Variants in ZNF707 observed in about 807,000 individuals in gnomAD.
The protein encoded by ZNF707 is zinc finger protein 707.
A neutral mutation model predicts 13.3 loss-of-function variants in ZNF707; 8 were observed. That is an observed-to-expected ratio of 0.60 (90% CI 0.35 to 1.09). The LOEUF (loss-of-function observed/expected upper bound fraction) is 1.09. ZNF707 is among the 50% of genes least tolerant of loss of function. ZNF707 has a pLI of 0.02. For missense variants in ZNF707, 530 were observed against 512.6 expected (o/e 1.03, Z -0.33); for synonymous variants, 225 against 205.6 (o/e 1.09, Z -0.81).
rs1226555487 is a variant in ZNF707 at position 143,693,373 on chromosome 8, C to T, written c.257-298C>T. ...CGCAATCTCGGCTCACTGCAAGCTC[C>T]GCTTCCCGGGTTCACGCCATTCTCC... On this transcript the variant is annotated intron_variant, in intron 5 of 5. Coordinates refer to ENST00000358656, the MANE Select transcript of ZNF707 (RefSeq NM_001100598.2). The surrounding 1 kb of genome is among the most constrained non-coding windows in gnomAD (Gnocchi z 4.1). 2.0e-5 allele frequency among the ~76,000 whole-genome samples: 3 copies of T among 151,974 alleles called. No individual in the cohort carries two copies. Among genetic ancestry groups the T allele is most frequent in the South Asian group, 4.2e-4 (2 of 4,810 alleles).
At chr8:143,690,788 C>T (rs1816733914) in intron 3 of ZNF707, 2 of 473,112 alleles carry the variant, frequency 4.2e-6, no homozygotes, top group Non-Finnish European at 3.8e-6. Flanking sequence ...GCTGTGTTCA[C>T]GCGTGTGCGG....
At chr8:143,692,249 G>C in intron 5 of ZNF707, 4 of 1,290,144 alleles carry the variant, frequency 3.1e-6, no homozygotes, top group Non-Finnish European at 4.0e-6. Flanking sequence ...TTTCAGAGTG[G>C]GATGGAGCAG....
chr8:143,689,381 C>G (rs914498814), intron 2 of ZNF707, 80 bp downstream of exon 2: 1 of 152,472 alleles, frequency 6.6e-6, no homozygotes, highest in East Asian at 1.9e-4. Context: ...TCTTCTGCAT[C>G]TTGGGGCTCT....
At chr8:143,691,762 C>T (rs1215789367) in intron 5 of ZNF707, 49 bp downstream of exon 5, 40 of 1,485,296 alleles carry the variant, frequency 2.7e-5, no homozygotes, top group Non-Finnish European at 3.1e-5. Context: ...CTGTGGCCCA[C>T]AGCTCCTGGG....
chr8:143,692,000 G>C (rs1816853188), intron 5 of ZNF707: 3 of 1,458,938 alleles, frequency 2.1e-6, no homozygotes, highest in Non-Finnish European at 2.7e-6. Context: ...CCTGCACCTA[G>C]CCACCCAGGT....
intron 2 of ZNF707, among the ~76,000 whole-genome samples, chr8:143,689,755 CCA>C (rs1554613005): frequency 6.6e-6 from 1 of 152,182 alleles, no homozygotes; most frequent in Non-Finnish European, 1.5e-5. Context: ...TGGCTTTCAG[CCA>C]GCAATGGCTG....
Position 143,694,277 on chromosome 8 carries a change from TCTA to T in ZNF707, c.866_868del (p.Tyr289del). 6.3e-7 allele frequency: 1 copy of T among 1,596,374 alleles called. No individual in the cohort carries two copies. The highest frequency in any genetic ancestry group is 8.5e-7 in the Non-Finnish European group (1 of 1,171,064). On this transcript the variant is annotated inframe_deletion, in exon 6 of 6. Coordinates refer to ENST00000358656, the MANE Select transcript of ZNF707 (RefSeq NM_001100598.2). The surrounding 1 kb of genome is among the most constrained non-coding windows in gnomAD (Gnocchi z 4.4). Reference sequence around the variant, plus strand: ...CTGGTGCACACCGGGGAGCGGCCGTTCTACTGCGCGGACTGCGGCAAAGCCTTC... The same window carrying T: ...CTGGTGCACACCGGGGAGCGGCCGTTCTGCGCGGACTGCGGCAAAGCCTTC...
In ZNF707 at chr8:143,694,776, G is replaced by C; in HGVS notation, c.*246G>C. ...TGGCGGGGGCTGCGCCCCGGCGCCG[G>C]GCATCCTGGGGATGTGCTGAGAGTG... On this transcript the variant is annotated 3_prime_UTR_variant, in exon 6 of 6. Coordinates refer to ENST00000358656, the MANE Select transcript of ZNF707 (RefSeq NM_001100598.2). The surrounding 1 kb of genome is among the most constrained non-coding windows in gnomAD (Gnocchi z 4.4). The C allele has an allele frequency of 2.0e-6, 1 of 498,476 alleles. No individual in the cohort carries two copies. The highest frequency in any genetic ancestry group is 3.2e-5 in the East Asian group (1 of 30,942). 30.9% of individuals were successfully genotyped at this position (498,476 alleles called of 1,614,324 possible).
chr8:143,689,776 T>G (rs1554613015), intron 2 of ZNF707, among the ~76,000 whole-genome samples: 1 of 152,180 alleles, frequency 6.6e-6, no homozygotes, highest in Non-Finnish European at 1.5e-5. Flanking sequence ...TGGCCTGTCC[T>G]CCTCTGGTGA....
intron 1 of ZNF707, among the ~76,000 whole-genome samples, chr8:143,687,631 C>A (rs1476038591): frequency 1.3e-5 from 2 of 152,208 alleles, no homozygotes; most frequent in Non-Finnish European, 1.5e-5. Flanking sequence ...CCACCACGCC[C>A]GACCTACTTC....
Position 143,693,881 on chromosome 8 carries a change from G to A in ZNF707, c.467G>A (p.Arg156His), listed in dbSNP as rs782325840. The A allele has an allele frequency of 1.0e-5, 16 of 1,607,352 alleles. No individual in the cohort carries two copies. The highest frequency in any genetic ancestry group is 3.4e-5 in the Admixed American group (2 of 59,566). ...TAFPCQVLTQRCGRRPGRRER... is the reference protein window; with the variant it reads ...TAFPCQVLTQHCGRRPGRRER... Reference sequence around the variant, plus strand: ...TTCCCGTGTCAGGTGCTCACGCAGCGTTGTGGGCGGCGGCCGGGCCGCAGA... The same window carrying A: ...TTCCCGTGTCAGGTGCTCACGCAGCATTGTGGGCGGCGGCCGGGCCGCAGA... The change falls in exon 6 of 6, where the codon CGT (arginine) becomes CAT (histidine). Residue 156 changes from arginine to histidine, a missense_variant. By Grantham distance (29) the Arg-to-His change is conservative. Transcript: ENST00000358656. This position sits in a 1 kb window ranked among gnomAD's most constrained non-coding sequence, Gnocchi z 4.1.
rs541973462 is a variant in ZNF707 at position 143,693,661 on chromosome 8, C to T, written c.257-10C>T. On this transcript the variant is annotated splice_polypyrimidine_tract_variant and intron_variant, in intron 5 of 5. Coordinates refer to ENST00000358656, the MANE Select transcript of ZNF707 (RefSeq NM_001100598.2). This position sits in a 1 kb window ranked among gnomAD's most constrained non-coding sequence, Gnocchi z 4.1. ...CTGGCTCTGTGTAAGGGTGTCTGTT[C>T]CTTCCACAGGGGCAAGGAAGTCTGC... 1.0e-5 allele frequency: 16 copies of T among 1,562,904 alleles called. No individual in the cohort carries two copies. Among genetic ancestry groups the T allele is most frequent in the Non-Finnish European group, 1.3e-5 (15 of 1,156,606 alleles).
chr8:143,686,091 T>TTTTAG (rs1563721005), intron 1 of ZNF707, among the ~76,000 whole-genome samples: 1 of 147,764 alleles, frequency 6.8e-6, no homozygotes, highest in African/African-American at 2.7e-5. Flanking sequence ...AGGGTGTTTT[T>TTTTAG]TTTTTGTTTT....
At chr8:143,686,080 G>T (rs782196771) in intron 1 of ZNF707, among the ~76,000 whole-genome samples, 15 of 151,830 alleles carry the variant, frequency 9.9e-5, no homozygotes, top group Non-Finnish European at 1.0e-4. Context: ...GCTGAGGGGA[G>T]AGGGTGTTTT....
intron 1 of ZNF707, 128 bp downstream of exon 1, chr8:143,684,670 T>C (rs1010544380): frequency 6.6e-6 from 1 of 152,422 alleles, no homozygotes; most frequent in African/African-American, 2.4e-5. Context: ...CCGGGGAGGC[T>C]GCCCGTGCCC....
chr8:143,694,130 A>G lies in ZNF707; in HGVS notation c.716A>G (p.Gln239Arg), dbSNP rs1554614603. Residue 239 changes from glutamine (Q) to arginine (R), a missense_variant, in exon 6 of 6, where the codon CAG becomes CGG. Transcript: ENST00000358656. This position sits in a 1 kb window ranked among gnomAD's most constrained non-coding sequence, Gnocchi z 4.4. ...EKPFCCEACG[Q>R]AFSLKDRLAQ... ...CCCTTCTGCTGCGAGGCCTGCGGGC[A>G]GGCGTTCAGCCTGAAGGACCGCCTG... The G allele has an allele frequency of 2.2e-5, 35 of 1,598,080 alleles. No individual in the cohort carries two copies. The highest frequency in any genetic ancestry group is 2.8e-5 in the Non-Finnish European group (33 of 1,172,530).
rs1345360998 is a variant in ZNF707 at position 143,694,182 on chromosome 8, G to C, written c.768G>C (p.Glu256Asp). Residue 256 changes from glutamate to aspartate, a missense_variant, in exon 6 of 6, where the codon GAG becomes GAC. Coordinates refer to ENST00000358656, the MANE Select transcript of ZNF707 (RefSeq NM_001100598.2). The surrounding 1 kb of genome is among the most constrained non-coding windows in gnomAD (Gnocchi z 4.4). ...CTCAGCACCGCAAGGTCCACACCGA[G>C]CACAGGCCCTACTCGTGTGGCGACT... ...RLAQHRKVHT[E>D]HRPYSCGDCG... 4 of 1,574,878 alleles carry C rather than the reference G, an allele frequency of 2.5e-6. No homozygotes were observed. In the African/African-American group the frequency reaches 5.4e-5, roughly 21 times the overall value.
intron 5 of ZNF707, chr8:143,692,136 C>T: frequency 7.7e-7 from 1 of 1,306,100 alleles, no homozygotes; most frequent in African/African-American, 1.5e-5. Context: ...GAGTTTGCTC[C>T]ACGTCCTTGT....
intron 2 of ZNF707, among the ~76,000 whole-genome samples, 194 bp downstream of exon 2, chr8:143,689,495 C>T (rs1007206798): frequency 6.6e-6 from 1 of 152,062 alleles, no homozygotes; most frequent in Non-Finnish European, 1.5e-5. Flanking sequence ...TCTCAGCGGG[C>T]TGGGGCCCTA....
Sources: allele counts gnomAD v4.1 joint callset (sites outside exome capture counted in the v4.1 genomes callset), GRCh38; gene constraint gnomAD v4.1.1; non-coding constraint Gnocchi (gnomAD v3.1); transcripts MANE v1.5; gene names NCBI Gene and HGNC (gene_info 2026-07-23, HGNC 2026-07-21).